The following ZNF618 variants were observed in gnomAD, a reference collection of about 807,000 sequenced individuals.
The protein encoded by ZNF618 is zinc finger protein 618, also known as neural precursor cell expressed, developmentally down-regulated 10.
A neutral mutation model predicts 103.0 loss-of-function variants in ZNF618; 34 were observed. The observed-to-expected ratio is 0.33, with a 90% CI of 0.25 to 0.44. The LOEUF is 0.44. ZNF618 is among the 20% of genes least tolerant of loss of function. ZNF618 has a pLI of 1.00. For missense variants in ZNF618, 1,059 were observed against 1,295.4 expected (o/e 0.82, Z 2.80); for synonymous variants, 551 against 542.2 (o/e 1.02, Z -0.23).
chr9:113,918,286 G>C (rs894741915), intron 1 of ZNF618, among the ~76,000 whole-genome samples: 1 of 152,168 alleles, frequency 6.6e-6, no homozygotes, highest in Non-Finnish European at 1.5e-5. Context: ...TGTTAGTGTT[G>C]AACACTTAGT....
At chr9:113,909,115 G>A (rs934697835) in intron 1 of ZNF618, among the ~76,000 whole-genome samples, 2 of 151,982 alleles carry the variant, frequency 1.3e-5, no homozygotes, top group African/African-American at 4.8e-5. Flanking sequence ...TGTGGGACCT[G>A]AGCAAGGACA....
At chr9:113,970,481 ATCTTT>A (rs1837850430) in intron 2 of ZNF618, among the ~76,000 whole-genome samples, 1 of 151,988 alleles carries the variant, frequency 6.6e-6, no homozygotes, top group Non-Finnish European at 1.5e-5. Flanking sequence ...AGGCTGTATG[ATCTTT>A]GTGGCAGTTT....
chr9:114,021,440 A>G, intron 10 of ZNF618, among the ~76,000 whole-genome samples: 1 of 151,996 alleles, frequency 6.6e-6, no homozygotes, highest in East Asian at 1.9e-4. Context: ...TTTTGATATC[A>G]CTCCCAAAAC....
chr9:113,879,674 G>A (rs1182487163), intron 1 of ZNF618, among the ~76,000 whole-genome samples: 3 of 151,852 alleles, frequency 2.0e-5, no homozygotes, highest in South Asian at 4.1e-4. Flanking sequence ...TTGGACTTGG[G>A]GGTGGTAATT....
chr9:113,951,825 T>C (rs78986544), intron 1 of ZNF618, among the ~76,000 whole-genome samples: 9,831 of 151,794 alleles, frequency 0.065, 450 homozygotes, highest in African/African-American at 0.11. Context: ...AGAAACTGGG[T>C]TTCCCAGTTT....
chr9:113,996,751 A>G (rs1017528328), intron 3 of ZNF618, among the ~76,000 whole-genome samples: 2 of 152,220 alleles, frequency 1.3e-5, no homozygotes, highest in East Asian at 1.9e-4. Context: ...AGGGCTCTCA[A>G]TAGGGCACTC....
chr9:113,959,801 G>A (rs1306833443), intron 1 of ZNF618, among the ~76,000 whole-genome samples: 4 of 152,142 alleles, frequency 2.6e-5, no homozygotes, highest in Admixed American at 6.5e-5. Context: ...TAGAGACAGC[G>A]TTTCGCCATG....
chr9:113,988,755 A>T (rs1341403310), intron 3 of ZNF618, among the ~76,000 whole-genome samples, 175 bp downstream of exon 3: 1 of 152,190 alleles, frequency 6.6e-6, no homozygotes, highest in Non-Finnish European at 1.5e-5. Context: ...TTGCTTGTGC[A>T]GTTTCCGGCT....
rs1419999929 is a variant in ZNF618, at chr9:114,055,793, TAATG to T, written c.*5630_*5633del. The stretch of plus-strand genomic sequence containing the variant: ...TTAGGCCAGAGTTTTCTACAGGTAT[TAATG>T]AATATTTTTCTTAATCCTTATAAGT... On this transcript the variant is annotated 3_prime_UTR_variant, in exon 15 of 15. Coordinates refer to ENST00000374126, the MANE Select transcript of ZNF618 (RefSeq NM_001318042.2). 1 of 152,448 alleles carries T rather than the reference TAATG, an allele frequency of 6.6e-6. No individual in the cohort carries two copies. Among genetic ancestry groups the T allele is most frequent in the East Asian group, 1.9e-4 (1 of 5,196 alleles). 9.4% of individuals were successfully genotyped at this position (152,448 alleles called of 1,614,324 possible).
chr9:114,048,442 A>G (rs937852713), intron 14 of ZNF618, among the ~76,000 whole-genome samples: 2 of 152,220 alleles, frequency 1.3e-5, no homozygotes, highest in Non-Finnish European at 2.9e-5. Flanking sequence ...TTCTATTCCC[A>G]TGCTCATGGC....
At chr9:113,988,702 C>A in intron 3 of ZNF618, 122 bp downstream of exon 3, 1 of 1,377,638 alleles carries the variant, frequency 7.3e-7, no homozygotes. Context: ...TTGCTGGCTT[C>A]CCTCTGCATT....
At chr9:113,909,193 C>T (rs1442443123) in intron 1 of ZNF618, among the ~76,000 whole-genome samples, 2 of 151,952 alleles carry the variant, frequency 1.3e-5, no homozygotes, top group African/African-American at 2.4e-5. Context: ...ATGGTCCTGT[C>T]GCCTGTTGCA....
Position 114,051,000 on chromosome 9 carries a change from G to A in ZNF618, c.*833G>A, listed in dbSNP as rs1846098892. ...CATTTTGCTTTTTAATATAAGAGAG[G>A]AGAAAAAGACATTTTTCAGAGAAGT... On this transcript the variant is annotated 3_prime_UTR_variant, in exon 15 of 15. Coordinates refer to ENST00000374126, the MANE Select transcript of ZNF618 (RefSeq NM_001318042.2). 1 of 152,552 alleles carries A rather than the reference G, an allele frequency of 6.6e-6. No individual in the cohort carries two copies. The highest frequency in any genetic ancestry group is 2.1e-4 in the South Asian group (1 of 4,830). 9.4% of individuals were successfully genotyped at this position (152,552 alleles called of 1,614,324 possible). A position where few individuals can be genotyped will look rare whatever the true frequency, so the allele number is the denominator to read the frequency against.
chr9:113,950,802 T>C (rs1293031151), intron 1 of ZNF618, among the ~76,000 whole-genome samples: 2 of 151,960 alleles, frequency 1.3e-5, no homozygotes, highest in Non-Finnish European at 2.9e-5. Context: ...GTGGGGACAT[T>C]CGAGAGGTTC....
At chr9:113,946,974 C>T (rs1835096269) in intron 1 of ZNF618, among the ~76,000 whole-genome samples, 1 of 152,198 alleles carries the variant, frequency 6.6e-6, no homozygotes, top group Non-Finnish European at 1.5e-5. Flanking sequence ...GCCTCCTCCT[C>T]ACTGTCTTTG....
chr9:114,021,946 G>C (rs567186310), intron 10 of ZNF618, among the ~76,000 whole-genome samples: 8 of 152,208 alleles, frequency 5.3e-5, no homozygotes, highest in South Asian at 2.1e-4. Context: ...ATGATGAGTA[G>C]TATTCCATTT....
Position 113,998,402 on chromosome 9 carries a change from G to C in ZNF618, c.433+48G>C, listed in dbSNP as rs774059514. The stretch of plus-strand genomic sequence containing the variant: ...TGCCTGATCCGGGGCCAGTATGGGT[G>C]GGGGCACAGCTGGACACAGCCATCA... On this transcript the variant is annotated intron_variant, in intron 4 of 14. Coordinates refer to ENST00000374126, the MANE Select transcript of ZNF618 (RefSeq NM_001318042.2). 12 of 1,501,942 alleles carry C rather than the reference G, an allele frequency of 8.0e-6. No homozygotes were observed. In the South Asian group the frequency reaches 1.3e-4, roughly 17 times the overall value. The allele number at this position is 1,501,942 out of a possible 1,614,324, so 93.0% of individuals were successfully genotyped here. A position where few individuals can be genotyped will look rare whatever the true frequency, so the allele number is the denominator to read the frequency against.
chr9:113,957,497 G>A (rs962301331), intron 1 of ZNF618, among the ~76,000 whole-genome samples: 5 of 152,198 alleles, frequency 3.3e-5, no homozygotes, highest in Non-Finnish European at 7.3e-5. Context: ...GCCAGAGACT[G>A]CCTCTCGAGC....
chr9:114,018,245 A>T (rs1435032370), intron 10 of ZNF618, among the ~76,000 whole-genome samples: 1 of 152,192 alleles, frequency 6.6e-6, no homozygotes, highest in Non-Finnish European at 1.5e-5. Flanking sequence ...GTAGGCACCG[A>T]CTGTCCAGTT....
Sources: gnomAD v4.1 joint callset for allele counts (sites outside exome capture counted in the v4.1 genomes callset) on GRCh38, gnomAD v4.1.1 for gene constraint, MANE v1.5 for transcripts, NCBI Gene and HGNC (gene_info 2026-07-23, HGNC 2026-07-21) for gene names.